Variants in PDE11A observed in about 807,000 individuals in gnomAD.
The protein encoded by PDE11A is phosphodiesterase 11A.
In PDE11A, 100 loss-of-function variants were observed where a neutral mutation model predicts 100.5. That is an observed-to-expected ratio of 1.00 (90% CI 0.85 to 1.18). The LOEUF (loss-of-function observed/expected upper bound fraction) is 1.18. Ranked by LOEUF, PDE11A falls within the 50% of genes most tolerant of loss-of-function variation. The pLI, the probability that PDE11A is intolerant of heterozygous loss-of-function variation, is 0.00. For missense variants in PDE11A, 1,141 were observed against 1,152.6 expected, an observed-to-expected ratio of 0.99 and a Z score of 0.15; for synonymous variants, 381 against 420.8, an observed-to-expected ratio of 0.91 and a Z score of 1.16.
At chr2:178,056,669 T>C (rs1223107288) in intron 1 of PDE11A, among the ~76,000 whole-genome samples, 1 of 151,982 alleles carries the variant, frequency 6.6e-6, no homozygotes, top group Non-Finnish European at 1.5e-5. Flanking sequence ...GATATTAAAA[T>C]GGAAAAGAAG....
rs377372258 is a variant in PDE11A, at chr2:177,810,188, A to G, written c.1737+6641T>C. Among the ~76,000 whole-genome samples, 240 of 152,336 alleles carry G rather than the reference A, an allele frequency of 1.6e-3. 2 individuals carry two copies. Among genetic ancestry groups the G allele is most frequent in the African/African-American group, 5.6e-3 (231 of 41,584 alleles). ...AGACTGCCACTAAGAGTGACTGTCA[A>G]TTCTCCCAACATAGCCCAAGCTTTT... On this transcript the variant is annotated intron_variant, in intron 9 of 19. Coordinates refer to ENST00000286063, the MANE Select transcript of PDE11A (RefSeq NM_016953.4).
chr2:177,710,175 A>G (rs1394807188), intron 13 of PDE11A, among the ~76,000 whole-genome samples: 5 of 152,088 alleles, frequency 3.3e-5, no homozygotes, highest in Non-Finnish European at 7.4e-5. Context: ...GGTCCAAGGC[A>G]GAGGTGGAGG....
intron 1 of PDE11A, among the ~76,000 whole-genome samples, chr2:178,049,445 T>C (rs1434957516): frequency 6.6e-6 from 1 of 152,150 alleles, no homozygotes; most frequent in African/African-American, 2.4e-5. Flanking sequence ...ACAGGTGATT[T>C]CTGCATTTCC....
intron 9 of PDE11A, among the ~76,000 whole-genome samples, chr2:177,769,879 C>T (rs1574123696): frequency 8.9e-6 from 1 of 112,716 alleles, no homozygotes; most frequent in Non-Finnish European, 1.7e-5. Flanking sequence ...CAGAGTAAGA[C>T]CCTATCAAAA....
At chr2:177,822,480 T>C (rs1238947344) in intron 6 of PDE11A, among the ~76,000 whole-genome samples, 1 of 152,064 alleles carries the variant, frequency 6.6e-6, no homozygotes, top group Non-Finnish European at 1.5e-5. Context: ...TACCACACTG[T>C]CTTAAATAAT....
intron 9 of PDE11A, 124 bp from the exon 10 acceptor site, chr2:177,769,497 T>C: frequency 3.0e-6 from 2 of 663,140 alleles, no homozygotes; most frequent in South Asian, 1.7e-5. Flanking sequence ...GACTTTAATG[T>C]ATGACAAGAA....
intron 19 of PDE11A, among the ~76,000 whole-genome samples, chr2:177,639,515 C>T (rs1383072380): frequency 6.6e-6 from 1 of 152,122 alleles, no homozygotes; most frequent in East Asian, 1.9e-4. Context: ...AGGACAGCTG[C>T]CAGTGGCTGA....
chr2:177,637,321 A>C (rs143949550), intron 19 of PDE11A, among the ~76,000 whole-genome samples: 1 of 152,144 alleles, frequency 6.6e-6, no homozygotes, highest in East Asian at 1.9e-4. Context: ...TCCCTAGAGA[A>C]CTAATCCTTC....
At position 177,939,534 on chromosome 2, in the gene PDE11A, AG is replaced by A. The variant is rs2085321442; in HGVS notation, c.1072-34348del. On this transcript the variant is annotated intron_variant, in intron 2 of 19. Transcript: ENST00000286063. ...AGGGAGGGAAGGGAGGGAGGGAGGA[AG>A]GAAGGAAGGAAGGAAGGAAGGAAGG... 1.1e-4 allele frequency among the ~76,000 whole-genome samples: 6 copies of A among 53,884 alleles called. No individual in the cohort carries two copies. In the South Asian group the frequency reaches 4.8e-3, roughly 43 times the overall value. 35.3% of individuals were successfully genotyped at this position (53,884 alleles called of 152,430 possible). A position where few individuals can be genotyped will look rare whatever the true frequency, so the allele number is the denominator to read the frequency against.
intron 2 of PDE11A, among the ~76,000 whole-genome samples, chr2:178,007,353 T>C (rs1377770600): frequency 1.3e-5 from 2 of 152,230 alleles, no homozygotes; most frequent in Non-Finnish European, 2.9e-5. Flanking sequence ...TTTAAATTTT[T>C]TTGTAAACAG....
At chr2:178,049,904 T>C (rs947042945) in intron 1 of PDE11A, among the ~76,000 whole-genome samples, 1 of 152,184 alleles carries the variant, frequency 6.6e-6, no homozygotes, top group Non-Finnish European at 1.5e-5. Context: ...TGCCTGCCTC[T>C]GTAGATTCCA....
chr2:178,027,780 T>C (rs2086496056), intron 1 of PDE11A, among the ~76,000 whole-genome samples: 1 of 152,206 alleles, frequency 6.6e-6, no homozygotes, highest in Admixed American at 6.5e-5. Flanking sequence ...GGCAATGTTC[T>C]GATATGTGAA....
intron 3 of PDE11A, among the ~76,000 whole-genome samples, chr2:177,898,892 C>T (rs1375197607): frequency 6.6e-6 from 1 of 152,192 alleles, no homozygotes; most frequent in Non-Finnish European, 1.5e-5. Flanking sequence ...TACTTTGTGC[C>T]TGTAGAAGCA....
chr2:177,782,449 G>A (rs2082467340), intron 9 of PDE11A, among the ~76,000 whole-genome samples: 1 of 152,206 alleles, frequency 6.6e-6, no homozygotes. Context: ...CTGTAATCAG[G>A]TGTCAACTGA....
rs71010857 is a variant in PDE11A, at chr2:178,096,169, C to CTTTTTTTTTTTTTTTTTTTTTTT, written c.162+8132_162+8133insAAAAAAAAAAAAAAAAAAAAAAA. On this transcript the variant is annotated intron_variant, in intron 2 of 20. Coordinates refer to the PDE11A transcript ENST00000358450. ...AGAAAACAGGTTTTTCTTTTCTTTT[C>CTTTTTTTTTTTTTTTTTTTTTTT]TTTTTTTTTTTTGAGATGGAGTCTC... Among the ~76,000 whole-genome samples, 14 of 120,126 alleles carry CTTTTTTTTTTTTTTTTTTTTTTT rather than the reference C, an allele frequency of 1.2e-4. 1 individual carries two copies. Among genetic ancestry groups the CTTTTTTTTTTTTTTTTTTTTTTT allele is most frequent in the Admixed American group, 1.6e-4 (2 of 12,164 alleles). The allele number at this position is 120,126 out of a possible 152,430, so 78.8% of individuals were successfully genotyped here.
At chr2:177,732,466 G>A (rs2081705882) in intron 10 of PDE11A, among the ~76,000 whole-genome samples, 1 of 152,136 alleles carries the variant, frequency 6.6e-6, no homozygotes, top group Non-Finnish European at 1.5e-5. Context: ...ATTGGCAAAG[G>A]AGGCTGAACC....
chr2:177,871,412 C>T (rs1247188924), intron 5 of PDE11A, among the ~76,000 whole-genome samples: 5 of 151,936 alleles, frequency 3.3e-5, no homozygotes, highest in Non-Finnish European at 7.4e-5. Context: ...CAGTTATGCC[C>T]GTGGGAATTC....
intron 1 of PDE11A, among the ~76,000 whole-genome samples, chr2:178,025,006 C>T (rs1460134221): frequency 1.3e-5 from 2 of 152,196 alleles, no homozygotes; most frequent in African/African-American, 2.4e-5. Context: ...AACAAAGACA[C>T]AGCATGTGGC....
Position 177,774,233 on chromosome 2 carries a change from AT to A in PDE11A, c.1738-4861del, listed in dbSNP as rs200839401. Among the ~76,000 whole-genome samples, 502 of 152,106 alleles carry A rather than the reference AT, an allele frequency of 3.3e-3. 5 individuals carry two copies. In the East Asian group the frequency reaches 0.047, roughly 14 times the overall value. ...GTGACCAAATGTATTTGCCTTGCTA[AT>A]TTTAACAAGCATCTACACATGCTAT... On this transcript the variant is annotated intron_variant, in intron 9 of 19. Transcript: ENST00000286063.
Sources: allele counts gnomAD v4.1 joint callset (sites outside exome capture counted in the v4.1 genomes callset), GRCh38; gene constraint gnomAD v4.1.1; transcripts MANE v1.5; gene names NCBI Gene and HGNC (gene_info 2026-07-23, HGNC 2026-07-21).